CORO2B: variants seen among roughly 807,000 people sequenced by gnomAD.
CORO2B encodes coronin 2B, also known as coronin-2B.
A neutral mutation model predicts 58.8 loss-of-function variants in CORO2B; 26 were observed. The ratio of observed to expected loss-of-function variants is 0.44; its 90% CI spans 0.32 to 0.61. The LOEUF is 0.61. Ranked by LOEUF, CORO2B falls within the 20% of genes least tolerant of loss-of-function variation. The pLI is 0.04. For missense variants in CORO2B, 460 were observed against 645.1 expected, an observed-to-expected ratio of 0.71 and a Z score of 3.11; for synonymous variants, 242 against 253.8, an observed-to-expected ratio of 0.95 and a Z score of 0.44.
At chr15:68,552,284 C>A in the CORO2B span, among the ~76,000 whole-genome samples, 1 of 152,142 alleles carries the variant, frequency 6.6e-6, no homozygotes, top group Non-Finnish European at 1.5e-5. Context: ...GCCTGGGACA[C>A]CTTGGCCCCC....
intron 11 of CORO2B, among the ~76,000 whole-genome samples, chr15:68,725,602 A>G (rs1044589045): frequency 2.0e-5 from 3 of 152,100 alleles, no homozygotes; most frequent in African/African-American, 4.8e-5. Flanking sequence ...AGTGATCCTG[A>G]ATCAATTAAT....
intron 2 of CORO2B, among the ~76,000 whole-genome samples, chr15:68,659,520 C>T (rs557406063): frequency 1.3e-5 from 2 of 152,158 alleles, no homozygotes; most frequent in African/African-American, 4.8e-5. Flanking sequence ...CGAGACCAGC[C>T]CAGGCAACAC....
chr15:68,541,775 G>T, the CORO2B span, among the ~76,000 whole-genome samples: 1 of 152,178 alleles, frequency 6.6e-6, no homozygotes, highest in Non-Finnish European at 1.5e-5. Context: ...GGCTCATGGG[G>T]CTTCCTCACA....
chr15:68,710,812 G>A lies in CORO2B; in HGVS notation c.414G>A (p.Arg138=). Residue 138 remains arginine (R), a synonymous_variant, in exon 4 of 12, where the codon CGG becomes CGA. Transcript: ENST00000261861. This position sits in a 1 kb window ranked among gnomAD's most constrained non-coding sequence, Gnocchi z 4.1. ...EALLELHGHS[R]RVGLVEWHPT... is the part of the protein sequence containing the mutation. ...TCCTGGAGCTGCACGGGCACAGCCG[G>A]CGTGTGGGGCTGGTCGAGTGGCACC... is the stretch of plus-strand genomic sequence containing the variant. 1.2e-6 allele frequency: 2 copies of A among 1,612,332 alleles called. No homozygotes were observed. The highest frequency in any genetic ancestry group is 1.7e-6 in the Non-Finnish European group (2 of 1,179,396).
the CORO2B span, among the ~76,000 whole-genome samples, chr15:68,571,266 A>T: frequency 6.6e-6 from 1 of 152,244 alleles, no homozygotes; most frequent in Non-Finnish European, 1.5e-5. Context: ...ATGTAAATAC[A>T]GATGCAACCA....
At chr15:68,610,166 G>C (rs937644698) in intron 1 of CORO2B, among the ~76,000 whole-genome samples, 8 of 152,154 alleles carry the variant, frequency 5.3e-5, no homozygotes, top group Non-Finnish European at 1.0e-4. Context: ...TATCCTCAGG[G>C]ACCCTGCAGC....
intron 1 of CORO2B, among the ~76,000 whole-genome samples, chr15:68,613,478 G>T (rs8028905): frequency 0.16 from 24,399 of 152,086 alleles, 3,141 homozygotes; most frequent in African/African-American, 0.36. Flanking sequence ...ATGTGGCAAA[G>T]CTTGAAGGAC....
At chr15:68,644,508 A>T (rs1392742142) in intron 1 of CORO2B, among the ~76,000 whole-genome samples, 1 of 152,200 alleles carries the variant, frequency 6.6e-6, no homozygotes, top group Non-Finnish European at 1.5e-5. Flanking sequence ...TCCAGTCAGG[A>T]GACCTATGTT....
At position 68,588,487 on chromosome 15, in the gene CORO2B, T is replaced by C. The variant is rs1899622603; in HGVS notation, c.15+9210T>C. On this transcript the variant is annotated intron_variant, in intron 1 of 11. Coordinates refer to ENST00000261861, the MANE Select transcript of CORO2B (RefSeq NM_006091.5). ...AAACCTTGATCTGTATTATCCCGGC[T>C]CTCTGTAGATCAGAGCTCCCTGTGG... Among the ~76,000 whole-genome samples the C allele has an allele frequency of 2.0e-5, 3 of 152,314 alleles. No individual in the cohort carries two copies. The South Asian group carries it at 6.2e-4, about 32-fold the overall frequency.
chr15:68,625,020 C>T (rs1363913654), intron 1 of CORO2B, among the ~76,000 whole-genome samples: 1 of 152,146 alleles, frequency 6.6e-6, no homozygotes, highest in African/African-American at 2.4e-5. Flanking sequence ...GGTCGAAGAC[C>T]ACTCCTGCCC....
intron 1 of CORO2B, among the ~76,000 whole-genome samples, chr15:68,606,316 T>C (rs1369762576): frequency 6.6e-6 from 1 of 152,108 alleles, no homozygotes; most frequent in Non-Finnish European, 1.5e-5. Context: ...GCAAGCATAT[T>C]AGAATCACCT....
chr15:68,646,708 T>C (rs1203349188), intron 2 of CORO2B, among the ~76,000 whole-genome samples: 1 of 152,206 alleles, frequency 6.6e-6, no homozygotes, highest in African/African-American at 2.4e-5. Flanking sequence ...TCAGAAATCC[T>C]CCTCTGCCTA....
chr15:68,533,666 G>C, the CORO2B span, among the ~76,000 whole-genome samples: 1 of 152,186 alleles, frequency 6.6e-6, no homozygotes, highest in Non-Finnish European at 1.5e-5. Flanking sequence ...TCAGGAAATT[G>C]AGTAGCCATT....
At chr15:68,697,820 G>A (rs1892550340) in intron 3 of CORO2B, among the ~76,000 whole-genome samples, 1 of 152,192 alleles carries the variant, frequency 6.6e-6, no homozygotes, top group Non-Finnish European at 1.5e-5. Flanking sequence ...GGAGGCTGGA[G>A]AGCCCAGTGG....
intron 1 of CORO2B, among the ~76,000 whole-genome samples, chr15:68,622,570 A>C (rs558129500): frequency 3.2e-4 from 48 of 152,340 alleles, no homozygotes; most frequent in African/African-American, 1.1e-3. Flanking sequence ...ACCTCCCAAC[A>C]CAGCAAATCC....
intron 2 of CORO2B, among the ~76,000 whole-genome samples, chr15:68,691,024 T>A (rs1343211882): frequency 1.3e-5 from 2 of 151,916 alleles, no homozygotes; most frequent in Non-Finnish European, 2.9e-5. Flanking sequence ...ATTTGTTTGA[T>A]GTCTCTATAG....
chr15:68,563,757 T>C, the CORO2B span, among the ~76,000 whole-genome samples: 1 of 151,982 alleles, frequency 6.6e-6, no homozygotes, highest in East Asian at 1.9e-4. Context: ...TAAGAACAAT[T>C]GTATGCCAAA....
At chr15:68,723,749 C>T (rs1013199321) in intron 11 of CORO2B, among the ~76,000 whole-genome samples, 1 of 152,140 alleles carries the variant, frequency 6.6e-6, no homozygotes, top group African/African-American at 2.4e-5. Flanking sequence ...CCGTGCCCGG[C>T]CGATACCTTC....
intron 1 of CORO2B, among the ~76,000 whole-genome samples, chr15:68,610,253 C>T (rs367714969): frequency 3.3e-5 from 5 of 152,198 alleles, no homozygotes; most frequent in Admixed American, 6.5e-5. Context: ...CTTCATAGGA[C>T]GAGACAGGTT....
Sources: gnomAD v4.1 joint callset for allele counts (sites outside exome capture counted in the v4.1 genomes callset) on GRCh38, gnomAD v4.1.1 for gene constraint, Gnocchi (gnomAD v3.1) non-coding constraint, MANE v1.5 for transcripts, NCBI Gene and HGNC (gene_info 2026-07-23, HGNC 2026-07-21) for gene names.